RANBP2: variants seen among roughly 807,000 people sequenced by gnomAD.
RANBP2 encodes the protein RAN binding protein 2, also known as E3 SUMO-protein ligase RanBP2.
Under a neutral mutation model 303.6 loss-of-function variants are expected in RANBP2, and 57 were observed. The ratio of observed to expected loss-of-function variants is 0.19; its 90% CI spans 0.15 to 0.23. The LOEUF (loss-of-function observed/expected upper bound fraction) is 0.23, where lower values mean the gene tolerates loss of function less well. Among genes scored for constraint, RANBP2 ranks in the 10% least tolerant of loss-of-function variants. The pLI, the probability that RANBP2 is intolerant of heterozygous loss-of-function variation, is 1.00. For missense variants in RANBP2, 3,138 were observed against 3,780.8 expected, an observed-to-expected ratio of 0.83 and a Z score of 4.46; for synonymous variants, 1,167 against 1,301.5, an observed-to-expected ratio of 0.90 and a Z score of 2.23.
the RANBP2 span, among the ~76,000 whole-genome samples, chr2:109,639,185 T>C: frequency 6.6e-6 from 1 of 150,716 alleles, no homozygotes; most frequent in African/African-American, 2.4e-5. Context: ...TAATCAGTGA[T>C]GGATTTAGCA....
At chr2:109,520,395 G>T in the RANBP2 span, among the ~76,000 whole-genome samples, 1 of 151,980 alleles carries the variant, frequency 6.6e-6, no homozygotes, top group South Asian at 2.1e-4. Flanking sequence ...GAGGTCAGGA[G>T]ATCAAGACCA....
chr2:109,348,130 G>GT, the RANBP2 span, among the ~76,000 whole-genome samples: 1,185 of 152,144 alleles, frequency 7.8e-3, 10 homozygotes, highest in African/African-American at 0.027. Context: ...TGGGGTGATG[G>GT]TTTTTTTTGG....
chr2:109,051,999 C>A, the RANBP2 span, among the ~76,000 whole-genome samples: 6 of 152,158 alleles, frequency 3.9e-5, no homozygotes, highest in Non-Finnish European at 7.4e-5. Flanking sequence ...CCGCCCGCCT[C>A]GGCCTCCCAA....
the RANBP2 span, among the ~76,000 whole-genome samples, chr2:109,282,026 T>A: frequency 6.6e-6 from 1 of 151,988 alleles, no homozygotes; most frequent in African/African-American, 2.4e-5. Context: ...AGATGCTACA[T>A]CTCTGCTTGG....
At chr2:109,135,344 A>G in the RANBP2 span, among the ~76,000 whole-genome samples, 1 of 152,190 alleles carries the variant, frequency 6.6e-6, no homozygotes, top group Non-Finnish European at 1.5e-5. Flanking sequence ...GGTGGTGGGA[A>G]TCCCACTGAA....
At chr2:108,876,102 T>C in the RANBP2 span, 2 of 1,592,802 alleles carry the variant, frequency 1.3e-6, no homozygotes, top group Non-Finnish European at 1.7e-6. Context: ...AATAAGAAGC[T>C]CTTTGAACTT....
At chr2:108,832,041 C>T in the RANBP2 span, among the ~76,000 whole-genome samples, 1 of 150,760 alleles carries the variant, frequency 6.6e-6, no homozygotes, top group Non-Finnish European at 1.5e-5. Context: ...CTTTTTTTCT[C>T]TTTTTTGAAA....
chr2:108,805,081 T>A, the RANBP2 span: 2 of 848,104 alleles, frequency 2.4e-6, no homozygotes, highest in Non-Finnish European at 3.2e-6. Flanking sequence ...CAAATTAAAG[T>A]CAGCCTTAGA....
chr2:109,393,671 A>G, the RANBP2 span, among the ~76,000 whole-genome samples: 2 of 151,848 alleles, frequency 1.3e-5, no homozygotes, highest in African/African-American at 2.4e-5. Flanking sequence ...TTCAGGACAC[A>G]TTCCCTCCCT....
chr2:109,289,259 A>G, the RANBP2 span, among the ~76,000 whole-genome samples: 2 of 152,182 alleles, frequency 1.3e-5, no homozygotes, highest in Admixed American at 6.5e-5. Flanking sequence ...ATGCCACATT[A>G]TCACCCACTG....
the RANBP2 span, among the ~76,000 whole-genome samples, chr2:109,366,973 T>G: frequency 6.6e-6 from 1 of 152,226 alleles, no homozygotes; most frequent in South Asian, 2.1e-4. Flanking sequence ...TTTTATTTTT[T>G]GGGACAGAGT....
the RANBP2 span, among the ~76,000 whole-genome samples, chr2:109,424,388 A>G: frequency 6.6e-6 from 1 of 152,210 alleles, no homozygotes; most frequent in Non-Finnish European, 1.5e-5. Context: ...GACCCTGTCC[A>G]GTGGTGGGGC....
intron 1 of RANBP2, among the ~76,000 whole-genome samples, chr2:108,720,811 C>T (rs569546595): frequency 6.6e-6 from 1 of 152,250 alleles, no homozygotes; most frequent in South Asian, 2.1e-4. Context: ...TTTGGGAGGC[C>T]GAGGAGGGCG....
the RANBP2 span, chr2:109,127,344 A>G: frequency 6.6e-6 from 1 of 152,202 alleles, no homozygotes; most frequent in African/African-American, 2.4e-5. Context: ...AATTCTACAA[A>G]TATTTATTGA....
chr2:109,543,272 A>C, the RANBP2 span: 4 of 152,474 alleles, frequency 2.6e-5, no homozygotes, highest in Middle Eastern at 3.2e-3. Context: ...AGTTTAAACA[A>C]GTATGTAATG....
At chr2:109,457,024 A>AGT in the RANBP2 span, among the ~76,000 whole-genome samples, 7 of 152,332 alleles carry the variant, frequency 4.6e-5, no homozygotes, top group Non-Finnish European at 1.0e-4. Context: ...TCGGCTGCCT[A>AGT]GTGTGAATCA....
At chr2:108,943,606 A>C in the RANBP2 span, among the ~76,000 whole-genome samples, 1 of 152,000 alleles carries the variant, frequency 6.6e-6, no homozygotes, top group Non-Finnish European at 1.5e-5. Flanking sequence ...GCTTGGGAGG[A>C]CTCACTTCCG....
the RANBP2 span, among the ~76,000 whole-genome samples, chr2:109,396,741 G>T: frequency 6.6e-6 from 1 of 152,104 alleles, no homozygotes; most frequent in East Asian, 1.9e-4. Flanking sequence ...TGGCACCTGC[G>T]GGCCTCACAT....
chr2:109,511,653 T>C, the RANBP2 span, among the ~76,000 whole-genome samples: 16,677 of 152,286 alleles, frequency 0.11, 989 homozygotes, highest in East Asian at 0.22. Context: ...GGGCAGGTTC[T>C]AGCCCTGCTT....
Sources: allele counts gnomAD v4.1 joint callset (sites outside exome capture counted in the v4.1 genomes callset), GRCh38; gene constraint gnomAD v4.1.1; transcripts MANE v1.5; gene names NCBI Gene and HGNC (gene_info 2026-07-23, HGNC 2026-07-21).